ANO3: variants seen among roughly 807,000 people sequenced by gnomAD.
The protein encoded by ANO3 is anoctamin 3, also known as anoctamin-3.
ANO3 carries 99 observed loss-of-function variants against 144.8 expected under a neutral mutation model. The ratio of observed to expected loss-of-function variants is 0.68; its 90% confidence interval spans 0.58 to 0.81. The LOEUF (loss-of-function observed/expected upper bound fraction) is 0.81, where lower values mean the gene tolerates loss of function less well. Among genes scored for constraint, ANO3 ranks in the 30% least tolerant of loss-of-function variants. The pLI is 0.00. For synonymous variants in ANO3, 414 were observed against 392.6 expected, an observed-to-expected ratio of 1.05 and a Z score of -0.64; for missense variants, 905 against 1,202.2, an observed-to-expected ratio of 0.75 and a Z score of 3.66.
chr11:26,355,356 A>G (rs1231492568), intron 1 of ANO3, among the ~76,000 whole-genome samples: 1 of 152,050 alleles, frequency 6.6e-6, no homozygotes, highest in Admixed American at 6.5e-5. Flanking sequence ...CATCACTTTT[A>G]TAGCATTATT....
intron 23 of ANO3, among the ~76,000 whole-genome samples, chr11:26,644,815 TCACACACACA>T (rs71449132): frequency 2.1e-4 from 30 of 145,300 alleles, no homozygotes; most frequent in Admixed American, 9.7e-4. Flanking sequence ...GGAATACTAA[TCACACACACA>T]CACACACACA....
intron 1 of ANO3, among the ~76,000 whole-genome samples, chr11:26,250,335 T>C (rs1449892164): frequency 6.6e-6 from 1 of 152,210 alleles, no homozygotes; most frequent in African/African-American, 2.4e-5. Context: ...ATAAAGAGTA[T>C]AATTTTCTCT....
Position 26,643,171 on chromosome 11 carries a change from T to A in ANO3, c.2276-11T>A. On this transcript the variant is annotated splice_polypyrimidine_tract_variant and intron_variant, in intron 22 of 26. Transcript: ENST00000256737. The stretch of plus-strand genomic sequence containing the variant: ...TTTATATAGTAATTTCCTAATGCTC[T>A]TCTTTTGCAGTTTTGCAATTTGGTT... 2 of 1,613,436 alleles carry A rather than the reference T, an allele frequency of 1.2e-6. No homozygotes were observed. The highest frequency in any genetic ancestry group is 1.7e-6 in the Non-Finnish European group (2 of 1,179,752).
At chr11:26,625,735 C>A (rs1227902786) in intron 18 of ANO3, among the ~76,000 whole-genome samples, 2 of 152,146 alleles carry the variant, frequency 1.3e-5, no homozygotes, top group Non-Finnish European at 2.9e-5. Flanking sequence ...CCCTCTCAAG[C>A]TGTCTCCTCC....
intron 1 of ANO3, among the ~76,000 whole-genome samples, chr11:26,298,050 G>T (rs1188377626): frequency 2.0e-5 from 3 of 152,168 alleles, no homozygotes; most frequent in African/African-American, 7.2e-5. Flanking sequence ...AGAATCAGTA[G>T]ATAACATTTT....
chr11:26,553,009 T>TATCATTACAATG (rs1394527898), intron 12 of ANO3, among the ~76,000 whole-genome samples: 40 of 152,312 alleles, frequency 2.6e-4, no homozygotes, highest in Admixed American at 2.2e-3. Context: ...ATCACACAAT[T>TATCATTACAATG]ATCTTGACAG....
chr11:26,338,699 C>G (rs543278796), intron 1 of ANO3, among the ~76,000 whole-genome samples: 4 of 151,162 alleles, frequency 2.6e-5, no homozygotes, highest in Non-Finnish European at 4.4e-5. Context: ...ATGAACCCCC[C>G]CACTGGGAGA....
intron 1 of ANO3, among the ~76,000 whole-genome samples, chr11:26,325,366 G>C (rs1020453033): frequency 6.6e-6 from 1 of 152,050 alleles, no homozygotes; most frequent in African/African-American, 2.4e-5. Context: ...CTGTTACTTA[G>C]AGGAATTATA....
intron 1 of ANO3, among the ~76,000 whole-genome samples, chr11:26,303,180 TC>T (rs1854277141): frequency 6.6e-6 from 1 of 152,180 alleles, no homozygotes; most frequent in Non-Finnish European, 1.5e-5. Context: ...GACCCAGCTA[TC>T]CCATTACTGG....
At chr11:26,319,306 T>C (rs1854703132) in intron 1 of ANO3, among the ~76,000 whole-genome samples, 1 of 152,064 alleles carries the variant, frequency 6.6e-6, no homozygotes, top group South Asian at 2.1e-4. Context: ...GCTTTTTCCC[T>C]TTTTTGACTC....
intron 1 of ANO3, among the ~76,000 whole-genome samples, chr11:26,414,389 A>C (rs972831710): frequency 1.3e-5 from 2 of 152,116 alleles, no homozygotes; most frequent in African/African-American, 4.8e-5. Flanking sequence ...GTACATGTAC[A>C]CCATGGAATA....
In ANO3 at chr11:26,477,332, C is replaced by G. The variant is rs562732237; in HGVS notation, c.432+14184C>G. On this transcript the variant is annotated intron_variant, in intron 4 of 26. Transcript: ENST00000256737. ...GATACCAGTGACTCCTATCATACTC[C>G]CACAGGTCTTGAATATACTGACCCT... Among the ~76,000 whole-genome samples, 4 of 152,152 alleles carry G rather than the reference C, an allele frequency of 2.6e-5. No homozygotes were observed. The South Asian group carries it at 8.3e-4, about 32-fold the overall frequency.
intron 14 of ANO3, among the ~76,000 whole-genome samples, chr11:26,577,519 G>C (rs1433589836): frequency 6.8e-6 from 1 of 148,142 alleles, no homozygotes; most frequent in Non-Finnish European, 1.5e-5. Flanking sequence ...AGCTGAGATT[G>C]CGCCATTACA....
At chr11:26,350,118 G>C (rs943660227) in intron 1 of ANO3, among the ~76,000 whole-genome samples, 2 of 151,530 alleles carry the variant, frequency 1.3e-5, no homozygotes, top group Non-Finnish European at 2.9e-5. Flanking sequence ...TGGAGAAACC[G>C]ACAAATGCAA....
intron 1 of ANO3, among the ~76,000 whole-genome samples, chr11:26,224,822 A>C (rs1476594381): frequency 6.6e-6 from 1 of 152,166 alleles, no homozygotes; most frequent in Non-Finnish European, 1.5e-5. Flanking sequence ...CTGGGCTTTG[A>C]TCCATCTGAC....
intron 1 of ANO3, among the ~76,000 whole-genome samples, chr11:26,294,885 T>C (rs892611361): frequency 6.6e-6 from 1 of 152,162 alleles, no homozygotes; most frequent in Non-Finnish European, 1.5e-5. Flanking sequence ...TTTTCTTCTT[T>C]TTTTAAATGT....
At chr11:26,507,780 T>C (rs1379463998) in intron 4 of ANO3, among the ~76,000 whole-genome samples, 2 of 152,276 alleles carry the variant, frequency 1.3e-5, no homozygotes, top group East Asian at 3.9e-4. Context: ...AAATAGTAAA[T>C]AAGTAATCAT....
intron 1 of ANO3, among the ~76,000 whole-genome samples, chr11:26,289,850 G>A (rs181733849): frequency 1.1e-3 from 159 of 150,876 alleles, no homozygotes; most frequent in African/African-American, 3.7e-3. Context: ...TTTTTGCATC[G>A]ATGTTCATCA....
intron 1 of ANO3, among the ~76,000 whole-genome samples, chr11:26,317,738 C>T (rs1266434566): frequency 6.6e-6 from 1 of 152,134 alleles, no homozygotes; most frequent in Non-Finnish European, 1.5e-5. Flanking sequence ...TACCATTTGA[C>T]CCAGCAATCC....
Sources: allele counts gnomAD v4.1 joint callset (sites outside exome capture counted in the v4.1 genomes callset), GRCh38; gene constraint gnomAD v4.1.1; transcripts MANE v1.5; gene names NCBI Gene and HGNC (gene_info 2026-07-23, HGNC 2026-07-21).